The following DNMT3A variants were observed in gnomAD, a reference collection of about 807,000 sequenced individuals.
The protein encoded by DNMT3A is DNA (cytosine-5)-methyltransferase 3A.
A neutral mutation model predicts 117.6 loss-of-function variants in DNMT3A; 267 were observed. The observed-to-expected ratio is 2.27, with a 90% confidence interval of 2.05 to 2.51. DNMT3A has a LOEUF of 2.51. Ranked by LOEUF, DNMT3A falls within the 30% of genes most tolerant of loss-of-function variation. DNMT3A has a pLI of 0.00. For missense variants in DNMT3A, 1,029 were observed against 1,260.2 expected, an observed-to-expected ratio of 0.82 and a Z score of 2.78; for synonymous variants, 432 against 474.8, an observed-to-expected ratio of 0.91 and a Z score of 1.17.
At chr2:25,256,943 T>C (rs1676187344) in intron 6 of DNMT3A, among the ~76,000 whole-genome samples, 1 of 152,238 alleles carries the variant, frequency 6.6e-6, no homozygotes, top group African/African-American at 2.4e-5. Context: ...AAAAATGAAC[T>C]GAATGCAGTG....
At chr2:25,271,885 G>GA (rs1402323855) in intron 6 of DNMT3A, among the ~76,000 whole-genome samples, 2 of 152,244 alleles carry the variant, frequency 1.3e-5, no homozygotes, top group Non-Finnish European at 2.9e-5. Flanking sequence ...AGACTTACTA[G>GA]AAAATCTTTT....
Position 25,244,221 on chromosome 2 carries a change from C to T in DNMT3A, c.1785G>A (p.Leu595=), listed in dbSNP as rs1253961187. 6.2e-7 allele frequency: 1 copy of T among 1,614,048 alleles called. No homozygotes were observed. Among genetic ancestry groups the T allele is most frequent in the Non-Finnish European group, 8.5e-7 (1 of 1,180,046 alleles). The change falls in exon 15 of 23, where the codon CTG becomes CTA. Residue 595 remains leucine (L), a synonymous_variant. Coordinates refer to ENST00000321117, the MANE Select transcript of DNMT3A (RefSeq NM_022552.5). The part of the protein sequence containing the change: ...MCGHKGTYGL[L]RRREDWPSRL... ...GGGAGGGCCAGTCCTCTCGCCGCCGCAGCAGCCCGTAGGTACCCTTGTGCC... is the reference window on the plus strand; with the variant it reads ...GGGAGGGCCAGTCCTCTCGCCGCCGTAGCAGCCCGTAGGTACCCTTGTGCC...
intron 2 of DNMT3A, among the ~76,000 whole-genome samples, chr2:25,310,784 C>T (rs772214753): frequency 6.6e-6 from 1 of 152,230 alleles, no homozygotes; most frequent in Admixed American, 6.5e-5. Context: ...TAGTTCTCAA[C>T]ATCTGTGCGC....
intron 6 of DNMT3A, among the ~76,000 whole-genome samples, chr2:25,251,166 G>GGGGGAGCAGCAGGGGGCCT (rs1675501284): frequency 1.5e-5 from 1 of 65,466 alleles, no homozygotes; most frequent in African/African-American, 4.9e-5. Flanking sequence ...GGGGGGGGGT[G>GGGGGAGCAGCAGGGGGCCT]GGTGAGCAGC....
At chr2:25,240,485 C>A in intron 18 of DNMT3A, 35 bp from the exon 19 acceptor site, 2 of 1,589,424 alleles carry the variant, frequency 1.3e-6, no homozygotes, top group Non-Finnish European at 1.7e-6. Flanking sequence ...TCAGCTGGGG[C>A]TGTCTGCATA....
At chr2:25,322,180 C>T (rs1017118286) in intron 1 of DNMT3A, among the ~76,000 whole-genome samples, 2 of 152,022 alleles carry the variant, frequency 1.3e-5, no homozygotes, top group South Asian at 2.1e-4. Flanking sequence ...TAGTACTATT[C>T]GACTTCTTAA....
At chr2:25,323,505 G>C (rs751013057) in intron 1 of DNMT3A, among the ~76,000 whole-genome samples, 126 of 152,214 alleles carry the variant, frequency 8.3e-4, no homozygotes, top group Non-Finnish European at 1.7e-3. Flanking sequence ...TGTGTGGCCT[G>C]AGGCGAAACT....
intron 3 of DNMT3A, among the ~76,000 whole-genome samples, chr2:25,290,320 A>ATT (rs1249490029): frequency 4.0e-5 from 5 of 126,532 alleles, no homozygotes; most frequent in Admixed American, 7.8e-5. Context: ...TATGGAAGTG[A>ATT]TTTTTTTTTT....
rs997380494 is a variant in DNMT3A, at chr2:25,294,022, G to A, written c.177+6117C>T. ...AGTCCCCTCAGCCAGGCCTGTGCCTGTGTGCTCATGGCCCCTGCCTTTGGG... is the reference window on the plus strand; with the variant it reads ...AGTCCCCTCAGCCAGGCCTGTGCCTATGTGCTCATGGCCCCTGCCTTTGGG... On this transcript the variant is annotated intron_variant, in intron 3 of 22. Coordinates refer to ENST00000321117, the MANE Select transcript of DNMT3A (RefSeq NM_022552.5). This position sits in a 1 kb window ranked among gnomAD's most constrained non-coding sequence, Gnocchi z 4.7. Among the ~76,000 whole-genome samples, 1 of 152,142 alleles carries A rather than the reference G, an allele frequency of 6.6e-6. No individual in the cohort carries two copies. The highest frequency in any genetic ancestry group is 2.1e-4 in the South Asian group (1 of 4,824).
At chr2:25,316,403 T>C (rs1286695986) in intron 1 of DNMT3A, among the ~76,000 whole-genome samples, 1 of 152,212 alleles carries the variant, frequency 6.6e-6, no homozygotes, top group Non-Finnish European at 1.5e-5. Flanking sequence ...GCAGAAACTG[T>C]CCTCACAGAA....
intron 1 of DNMT3A, among the ~76,000 whole-genome samples, chr2:25,329,310 G>T (rs2149445374): frequency 6.6e-6 from 1 of 152,314 alleles, no homozygotes; most frequent in East Asian, 1.9e-4. Context: ...GTAAAGCGGG[G>T]TGAGAAAGAG....
intron 6 of DNMT3A, among the ~76,000 whole-genome samples, chr2:25,272,662 G>A (rs1164437264): frequency 6.6e-6 from 1 of 152,120 alleles, no homozygotes; most frequent in Non-Finnish European, 1.5e-5. Flanking sequence ...CACGCACAGG[G>A]GTAAGTGCCT....
rs1173102277 is a variant in DNMT3A, at chr2:25,339,357, T to TG, written c.-178+2468dup. Among the ~76,000 whole-genome samples the TG allele has an allele frequency of 5.3e-5, 8 of 152,174 alleles. No homozygotes were observed. The highest frequency in any genetic ancestry group is 1.0e-4 in the Non-Finnish European group (7 of 68,026). On this transcript the variant is annotated intron_variant, in intron 1 of 22. Transcript: ENST00000321117. The surrounding 1 kb of genome is among the most constrained non-coding windows in gnomAD (Gnocchi z 4.9). ...AGGAAGGACTCAGAGGGCAGCCCTG[T>TG]GGACCAGTCCACTCCTTGAGTCTAG...
At chr2:25,322,651 T>G (rs1458563045) in intron 1 of DNMT3A, among the ~76,000 whole-genome samples, 1 of 141,836 alleles carries the variant, frequency 7.1e-6, no homozygotes, top group African/African-American at 2.7e-5. Flanking sequence ...CTGTCCCCAC[T>G]GCCGCCCCCA....
At chr2:25,320,153 G>A (rs1367904461) in intron 1 of DNMT3A, among the ~76,000 whole-genome samples, 1 of 152,182 alleles carries the variant, frequency 6.6e-6, no homozygotes, top group Admixed American at 6.5e-5. Context: ...AGGAGGACAC[G>A]AAAGCCAGAA....
chr2:25,295,519 C>T (rs1235805470), intron 3 of DNMT3A, among the ~76,000 whole-genome samples: 1 of 152,244 alleles, frequency 6.6e-6, no homozygotes, highest in South Asian at 2.1e-4. Flanking sequence ...CAATAACTCT[C>T]TTCAGTTCCA....
rs1330526945 is a variant in DNMT3A at position 25,234,339 on chromosome 2, C to T, written c.2679G>A (p.Trp893Ter). 1.2e-6 allele frequency: 2 copies of T among 1,614,022 alleles called. No homozygotes were observed. The highest frequency in any genetic ancestry group is 1.7e-6 in the Non-Finnish European group (2 of 1,180,022). ...AGAGGTGGCGGATGACTGGCACGCTCCATGACCGGCCCAGCAGTCTCTGCC... is the reference window on the plus strand; with the variant it reads ...AGAGGTGGCGGATGACTGGCACGCTTCATGACCGGCCCAGCAGTCTCTGCC... ...LARQRLLGRSWSVPVIRHLFA... is the reference protein window; with the variant it reads ...LARQRLLGRS Residue 893 changes from tryptophan to a stop codon, truncating the protein, a stop_gained, in exon 23 of 23, where the codon TGG becomes TGA. Transcript: ENST00000321117. LOFTEE classifies it high-confidence loss of function. The surrounding 1 kb of genome is among the most constrained non-coding windows in gnomAD (Gnocchi z 4.5).
chr2:25,295,947 T>C (rs2033060404), intron 3 of DNMT3A, among the ~76,000 whole-genome samples: 1 of 152,208 alleles, frequency 6.6e-6, no homozygotes, highest in African/African-American at 2.4e-5. Flanking sequence ...TTTCAAACTG[T>C]CAGGGATGAA....
chr2:25,311,321 C>T lies in DNMT3A; in HGVS notation c.72+2592G>A, dbSNP rs994966033. ...GCCTGTGTCTTCCCCTCTGCAGCTA[C>T]CAGCACCCCTGCCGCAGGCCTGGCT... On this transcript the variant is annotated intron_variant, in intron 2 of 22. Transcript: ENST00000321117. This position sits in a 1 kb window ranked among gnomAD's most constrained non-coding sequence, Gnocchi z 5.2. Among the ~76,000 whole-genome samples, 1 of 152,228 alleles carries T rather than the reference C, an allele frequency of 6.6e-6. No homozygotes were observed. Among genetic ancestry groups the T allele is most frequent in the Non-Finnish European group, 1.5e-5 (1 of 68,032 alleles).
Sources: allele counts gnomAD v4.1 joint callset (sites outside exome capture counted in the v4.1 genomes callset), GRCh38; gene constraint gnomAD v4.1.1; non-coding constraint Gnocchi (gnomAD v3.1); transcripts MANE v1.5; gene names NCBI Gene and HGNC (gene_info 2026-07-23, HGNC 2026-07-21).